Variants in BRD3 observed in about 807,000 individuals in gnomAD.
BRD3 encodes bromodomain containing 3.
In BRD3, 17 loss-of-function variants were observed where a neutral mutation model predicts 66.8. The observed-to-expected ratio is 0.25, with a 90% CI of 0.17 to 0.38. The LOEUF (loss-of-function observed/expected upper bound fraction) is 0.38, where lower values mean the gene tolerates loss of function less well. Ranked by LOEUF, BRD3 falls within the 10% of genes least tolerant of loss-of-function variation. The pLI, the probability that BRD3 is intolerant of heterozygous loss-of-function variation, is 1.00. For synonymous variants in BRD3, 421 were observed against 393.2 expected, an observed-to-expected ratio of 1.07 and a Z score of -0.84; for missense variants, 713 against 956.1, an observed-to-expected ratio of 0.75 and a Z score of 3.35.
chr9:134,043,651 C>T (rs1181974046), intron 7 of BRD3, among the ~76,000 whole-genome samples: 1 of 152,184 alleles, frequency 6.6e-6, no homozygotes, highest in Non-Finnish European at 1.5e-5. Context: ...GGCTCTAACC[C>T]CACAGCTCAA....
intron 1 of BRD3, among the ~76,000 whole-genome samples, chr9:134,065,916 T>G (rs1226438275): frequency 6.6e-6 from 1 of 152,222 alleles, no homozygotes. Flanking sequence ...TGCTTCGCTC[T>G]GCACACCCCC....
intron 5 of BRD3, among the ~76,000 whole-genome samples, chr9:134,049,184 T>A (rs1486265059): frequency 6.6e-6 from 1 of 152,050 alleles, no homozygotes; most frequent in African/African-American, 2.4e-5. Context: ...CAGACGCGCA[T>A]GTTTAACGTC....
At chr9:134,051,848 TG>T in intron 3 of BRD3, 139 bp from the exon 4 acceptor site, 1 of 399,082 alleles carries the variant, frequency 2.5e-6, no homozygotes, top group Admixed American at 6.1e-5. Flanking sequence ...AATGAATATA[TG>T]TGTGTGTGTG....
chr9:134,060,855 C>G (rs943164527), intron 1 of BRD3, among the ~76,000 whole-genome samples: 7 of 152,224 alleles, frequency 4.6e-5, no homozygotes, highest in Non-Finnish European at 1.5e-5. Flanking sequence ...GGGTGGCCCC[C>G]TGAACCCTTC....
intron 1 of BRD3, among the ~76,000 whole-genome samples, chr9:134,064,401 G>A (rs942575574): frequency 5.3e-5 from 8 of 151,694 alleles, no homozygotes; most frequent in Non-Finnish European, 8.8e-5. Flanking sequence ...ATAGCCAGGC[G>A]TGGTGGCGGG....
At chr9:134,066,959 G>A (rs1048194365) in intron 1 of BRD3, among the ~76,000 whole-genome samples, 1 of 152,194 alleles carries the variant, frequency 6.6e-6, no homozygotes, top group Non-Finnish European at 1.5e-5. Context: ...CCAGGGAAAG[G>A]AGGCCGCGCG....
At chr9:134,042,790 TATACACACAC>T (rs1564550710) in intron 7 of BRD3, among the ~76,000 whole-genome samples, 1 of 46,980 alleles carries the variant, frequency 2.1e-5, no homozygotes, top group African/African-American at 4.9e-5. Flanking sequence ...TATACACAAA[TATACACACAC>T]ACACACACAC....
chr9:134,067,141 A>G (rs1830677667), intron 1 of BRD3, among the ~76,000 whole-genome samples: 1 of 152,154 alleles, frequency 6.6e-6, no homozygotes, highest in South Asian at 2.1e-4. Context: ...GCGCCCCCCA[A>G]AAGTGGGAAG....
intron 5 of BRD3, among the ~76,000 whole-genome samples, chr9:134,049,952 T>C (rs1432869962): frequency 6.6e-6 from 1 of 152,092 alleles, no homozygotes; most frequent in African/African-American, 2.4e-5. Flanking sequence ...CATGCTCCCA[T>C]GTGGAGCCCA....
chr9:134,056,490 C>T (rs1311812157), intron 1 of BRD3, among the ~76,000 whole-genome samples: 1 of 152,184 alleles, frequency 6.6e-6, no homozygotes, highest in Non-Finnish European at 1.5e-5. Flanking sequence ...AACTCGAGGA[C>T]AACACGATGC....
chr9:134,031,782 A>G lies in BRD3; in HGVS notation c.*1808T>C. The G allele has an allele frequency of 4.6e-6, 1 of 217,792 alleles. No individual in the cohort carries two copies. Among genetic ancestry groups the G allele is most frequent in the Non-Finnish European group, 9.2e-6 (1 of 108,182 alleles). 13.5% of individuals were successfully genotyped at this position (217,792 alleles called of 1,614,324 possible). On this transcript the variant is annotated 3_prime_UTR_variant, in exon 12 of 12. Coordinates refer to ENST00000303407, the MANE Select transcript of BRD3 (RefSeq NM_007371.4). ...ATGATAGTCCCTATATCCATCCAGA[A>G]ATGCTGGCAGAAAGCACTGGCCACC...
In BRD3 at chr9:134,050,430, G is replaced by A. The variant is rs776821090; in HGVS notation, c.658C>T (p.Pro220Ser). 4 of 1,612,306 alleles carry A rather than the reference G, an allele frequency of 2.5e-6. No individual in the cohort carries two copies. The South Asian group carries it at 3.3e-5, about 13-fold the overall frequency. Residue 220 changes from proline to serine, a missense_variant, in exon 5 of 12, where the codon CCT becomes TCT. Coordinates refer to ENST00000303407, the MANE Select transcript of BRD3 (RefSeq NM_007371.4). Reference protein sequence around the residue: ...SVPVPPAAAPPPPATPIVPVV... With the variant: ...SVPVPPAAAPSPPATPIVPVV... ...GGGACGATGGGTGTGGCAGGAGGAGGTGGGGCGGCAGCTGGGGGGACTGGG... is the reference window on the plus strand; with the variant it reads ...GGGACGATGGGTGTGGCAGGAGGAGATGGGGCGGCAGCTGGGGGGACTGGG...
At chr9:134,047,982 C>G in intron 6 of BRD3, 101 bp downstream of exon 6, 1 of 1,410,304 alleles carries the variant, frequency 7.1e-7, no homozygotes. Context: ...CAAGCGAGAC[C>G]CTGCTCCCCG....
At chr9:134,042,016 C>A (rs1434599302) in intron 7 of BRD3, 65 bp from the exon 8 acceptor site, 7 of 1,458,844 alleles carry the variant, frequency 4.8e-6, no homozygotes, top group Non-Finnish European at 6.4e-6. Flanking sequence ...TGGTGTGGGC[C>A]CTCAGGGTTT....
chr9:134,050,386 C>A lies in BRD3; in HGVS notation c.702G>T (p.Pro234=), dbSNP rs2301576. ...TPIVPVVPPT[P]PVVKKKGVKR... is the part of the protein sequence containing the mutation. ...TCAGGGTGCTCACCTTGACGACAGG[C>A]GGCGTAGGAGGGACCACGGGGACGA... Residue 234 remains proline (P), a synonymous_variant, in exon 5 of 12, where the codon CCG becomes CCT. Coordinates refer to ENST00000303407, the MANE Select transcript of BRD3 (RefSeq NM_007371.4). 5.0e-6 allele frequency: 8 copies of A among 1,610,644 alleles called. No homozygotes were observed. Among genetic ancestry groups the A allele is most frequent in the Admixed American group, 1.7e-5 (1 of 59,864 alleles).
rs938850421 is a variant in BRD3, at chr9:134,051,421, A to G, written c.499+141T>C. ...CCCTCCAACATCACCCACAGGCCAC[A>G]CTCATCCAAGACCCGGCACCCACGA... On this transcript the variant is annotated intron_variant, in intron 4 of 11. Coordinates refer to ENST00000303407, the MANE Select transcript of BRD3 (RefSeq NM_007371.4). 1.4e-5 allele frequency: 12 copies of G among 853,500 alleles called. No homozygotes were observed. The Admixed American group carries it at 2.8e-4, about 20-fold the overall frequency. 52.9% of individuals were successfully genotyped at this position (853,500 alleles called of 1,614,324 possible). A position where few individuals can be genotyped will look rare whatever the true frequency, so the allele number is the denominator to read the frequency against.
intron 1 of BRD3, among the ~76,000 whole-genome samples, chr9:134,056,283 C>T (rs1341902814): frequency 6.6e-6 from 1 of 152,230 alleles, no homozygotes; most frequent in East Asian, 1.9e-4. Context: ...GCCTCCAGCT[C>T]CGCTACCTGG....
intron 4 of BRD3, 21 bp downstream of exon 4, chr9:134,051,541 G>C (rs553822074): frequency 6.6e-7 from 1 of 1,512,514 alleles, no homozygotes; most frequent in Non-Finnish European, 8.7e-7. Context: ...CCAGCCCCTC[G>C]CCTGCCCCAG....
chr9:134,050,207 C>T (rs1284090013), intron 5 of BRD3, among the ~76,000 whole-genome samples, 167 bp downstream of exon 5: 1 of 152,238 alleles, frequency 6.6e-6, no homozygotes, highest in Non-Finnish European at 1.5e-5. Context: ...TAGGTCTCCT[C>T]ATCTGTGTCA....
Sources: gnomAD v4.1 joint callset for allele counts (sites outside exome capture counted in the v4.1 genomes callset) on GRCh38, gnomAD v4.1.1 for gene constraint, MANE v1.5 for transcripts, NCBI Gene and HGNC (gene_info 2026-07-23, HGNC 2026-07-21) for gene names.